DOCK9: variants seen among roughly 807,000 people sequenced by gnomAD.
The protein encoded by DOCK9 is dedicator of cytokinesis 9.
Under a neutral mutation model 263.3 loss-of-function variants are expected in DOCK9, and 89 were observed. The ratio of observed to expected loss-of-function variants is 0.34; its 90% CI spans 0.28 to 0.40. The LOEUF is 0.40. Among genes scored for constraint, DOCK9 ranks in the 10% least tolerant of loss-of-function variants. DOCK9 has a pLI of 1.00. For synonymous variants in DOCK9, 976 were observed against 973.1 expected (o/e 1.00, Z -0.06); for missense variants, 2,140 against 2,603.4 (o/e 0.82, Z 3.87).
intron 1 of DOCK9, among the ~76,000 whole-genome samples, chr13:99,009,827 G>C (rs1333545543): frequency 1.3e-5 from 2 of 152,008 alleles, no homozygotes; most frequent in Non-Finnish European, 2.9e-5. Flanking sequence ...TTTCATAGCC[G>C]GTAGGTTTTT....
chr13:98,955,398 C>T (rs1265401654), intron 2 of DOCK9, 37 bp downstream of exon 2: 1 of 1,373,736 alleles, frequency 7.3e-7, no homozygotes, highest in Non-Finnish European at 1.0e-6. Context: ...TAAGATCAAA[C>T]ACGTGGTTCT....
At chr13:98,961,573 C>T (rs763200177) in intron 1 of DOCK9, among the ~76,000 whole-genome samples, 20 of 152,248 alleles carry the variant, frequency 1.3e-4, no homozygotes, top group South Asian at 2.1e-4. Context: ...TGGCCTTTGG[C>T]GCCTTGCTGC....
intron 35 of DOCK9, among the ~76,000 whole-genome samples, 200 bp from the exon 36 acceptor site, chr13:98,850,313 A>G (rs2093526325): frequency 6.6e-6 from 1 of 152,152 alleles, no homozygotes; most frequent in Admixed American, 6.5e-5. Flanking sequence ...TTCACCTTCA[A>G]CATGCTGCAT....
chr13:98,890,838 C>T (rs2046511377), intron 15 of DOCK9, among the ~76,000 whole-genome samples: 2 of 152,194 alleles, frequency 1.3e-5, no homozygotes, highest in East Asian at 3.8e-4. Context: ...CGTGGCCCAT[C>T]GCCAGCTCTA....
chr13:99,046,958 G>A (rs534997653), intron 1 of DOCK9, among the ~76,000 whole-genome samples: 12 of 152,358 alleles, frequency 7.9e-5, no homozygotes, highest in African/African-American at 2.2e-4. Flanking sequence ...AAGGATGAGC[G>A]TGAAGAGAGC....
chr13:98,958,514 G>A (rs780149870), intron 1 of DOCK9, among the ~76,000 whole-genome samples: 3 of 152,226 alleles, frequency 2.0e-5, no homozygotes, highest in Non-Finnish European at 2.9e-5. Flanking sequence ...GACTTTGCCA[G>A]CCTTACAGTT....
chr13:98,811,145 A>G (rs2091261713), intron 45 of DOCK9, among the ~76,000 whole-genome samples: 1 of 152,192 alleles, frequency 6.6e-6, no homozygotes, highest in Admixed American at 6.5e-5. Flanking sequence ...GGATTGATTG[A>G]TGTTAATCTC....
intron 30 of DOCK9, among the ~76,000 whole-genome samples, chr13:98,866,716 A>G (rs2094035783): frequency 6.6e-6 from 1 of 152,206 alleles, no homozygotes; most frequent in Non-Finnish European, 1.5e-5. Context: ...AAAAAGCCAC[A>G]TTGCTTGTGA....
intron 1 of DOCK9, among the ~76,000 whole-genome samples, chr13:99,078,127 C>T (rs2041984208): frequency 6.6e-6 from 1 of 152,034 alleles, no homozygotes; most frequent in African/African-American, 2.4e-5. Flanking sequence ...AGATGCTGAA[C>T]TTAAGGAGCT....
At chr13:98,996,752 T>G (rs1412836287) in intron 1 of DOCK9, among the ~76,000 whole-genome samples, 2 of 152,250 alleles carry the variant, frequency 1.3e-5, no homozygotes, top group Non-Finnish European at 2.9e-5. Context: ...CAATTCTTCT[T>G]CTTCCAGTGT....
chr13:99,065,477 G>A (rs11069346), intron 1 of DOCK9, among the ~76,000 whole-genome samples: 33,262 of 151,902 alleles, frequency 0.22, 3,622 homozygotes, highest in Middle Eastern at 0.3. Flanking sequence ...CCACAGCCTG[G>A]CCTTGTCTGC....
Position 98,881,811 on chromosome 13 carries a change from G to A in DOCK9, c.2675+81C>T, listed in dbSNP as rs1348336455. ...TCTTAAATGTAATGTTCAGCACACA[G>A]TAGCATCCCAGCTATGCATGACTAT... On this transcript the variant is annotated intron_variant, in intron 24 of 52. Transcript: ENST00000682017. 16 of 1,334,352 alleles carry A rather than the reference G, an allele frequency of 1.2e-5. No individual in the cohort carries two copies. The Admixed American group carries it at 2.4e-4, about 20-fold the overall frequency. 82.7% of individuals were successfully genotyped at this position (1,334,352 alleles called of 1,614,324 possible).
chr13:99,034,677 T>C (rs1195826194), intron 1 of DOCK9, among the ~76,000 whole-genome samples: 1 of 152,148 alleles, frequency 6.6e-6, no homozygotes, highest in African/African-American at 2.4e-5. Flanking sequence ...TGGACCTGAG[T>C]AGGCTCCAAT....
intron 1 of DOCK9, among the ~76,000 whole-genome samples, chr13:98,957,787 C>T (rs2058220309): frequency 6.6e-6 from 1 of 152,212 alleles, no homozygotes; most frequent in Admixed American, 6.5e-5. Context: ...AATATGCACA[C>T]AGCTTTCTAA....
intron 1 of DOCK9, among the ~76,000 whole-genome samples, chr13:99,023,197 G>A (rs745526325): frequency 4.6e-5 from 7 of 152,318 alleles, no homozygotes; most frequent in South Asian, 2.1e-4. Flanking sequence ...AATAGTCAGC[G>A]TTATTCACAA....
At chr13:99,061,873 G>T (rs998748676) in intron 1 of DOCK9, among the ~76,000 whole-genome samples, 9 of 144,590 alleles carry the variant, frequency 6.2e-5, no homozygotes, top group Admixed American at 1.4e-4. Context: ...TTTTGTTTTT[G>T]GTTTTGTTTT....
At chr13:98,960,198 T>C (rs971217980) in intron 1 of DOCK9, among the ~76,000 whole-genome samples, 2 of 152,206 alleles carry the variant, frequency 1.3e-5, no homozygotes, top group African/African-American at 4.8e-5. Context: ...AGTTCTTAAT[T>C]TTCTATCTTC....
chr13:98,797,311 C>T, intron 51 of DOCK9, 58 bp from the exon 52 acceptor site: 1 of 1,610,760 alleles, frequency 6.2e-7, no homozygotes, highest in South Asian at 1.1e-5. Flanking sequence ...ATGAGTCCAA[C>T]CAGCAGCATC....
chr13:99,063,857 A>G (rs1006886326), intron 1 of DOCK9, among the ~76,000 whole-genome samples: 1 of 151,694 alleles, frequency 6.6e-6, no homozygotes, highest in Non-Finnish European at 1.5e-5. Flanking sequence ...AGCACAACTC[A>G]TCTTGTCACA....
Sources: gnomAD v4.1 joint callset for allele counts (sites outside exome capture counted in the v4.1 genomes callset) on GRCh38, gnomAD v4.1.1 for gene constraint, MANE v1.5 for transcripts, NCBI Gene and HGNC (gene_info 2026-07-23, HGNC 2026-07-21) for gene names.